The following CTF1 variants were observed in gnomAD, a reference collection of about 807,000 sequenced individuals.
The protein encoded by CTF1 is cardiotrophin-1.
In CTF1, 9 loss-of-function variants were observed where a neutral mutation model predicts 10.9. That is an observed-to-expected ratio of 0.83 (90% CI 0.50 to 1.44). CTF1 has a LOEUF of 1.44. CTF1 is among the 40% of genes most tolerant of loss of function. The pLI is 0.00. For synonymous variants in CTF1, 133 were observed against 138.8 expected (o/e 0.96, Z 0.29); for missense variants, 259 against 275.3 (o/e 0.94, Z 0.42).
intron 2 of CTF1, 129 bp downstream of exon 2, chr16:30,899,662 G>A (rs577553213): frequency 2.3e-5 from 15 of 639,012 alleles, no homozygotes; most frequent in Non-Finnish European, 3.8e-5. Context: ...GAGAGGGACA[G>A]CAACTTGCCC....
At position 30,902,614 on chromosome 16, in the gene CTF1, C is replaced by A; in HGVS notation, c.*75C>A. The A allele has an allele frequency of 7.1e-7, 1 of 1,413,736 alleles. No individual in the cohort carries two copies. Among genetic ancestry groups the A allele is most frequent in the South Asian group, 1.4e-5 (1 of 73,590 alleles). 87.6% of individuals were successfully genotyped at this position (1,413,736 alleles called of 1,614,324 possible). A position where few individuals can be genotyped will look rare whatever the true frequency, so the allele number is the denominator to read the frequency against. ...CTTCCGCTTCTTTGTCTTTCTCTGC[C>A]GCTGTCGGTGTCTGTCTGTCTGCTC... On this transcript the variant is annotated 3_prime_UTR_variant, in exon 3 of 3. Transcript: ENST00000279804.
At chr16:30,896,562 C>A, upstream of CTF1, 1 of 1,209,504 alleles carries the variant, frequency 8.3e-7, no homozygotes, top group Non-Finnish European at 1.1e-6. Context: ...TGGCTGCGCC[C>A]GGGCCACGCC....
chr16:30,902,653 T>G lies in CTF1; in HGVS notation c.*114T>G. ...GTCTGTCTGCTCTTAGCTGTCTCCA[T>G]TGCCTCGGCCTTCTTTGCTTTTTGT... is the stretch of plus-strand genomic sequence containing the variant. On this transcript the variant is annotated 3_prime_UTR_variant, in exon 3 of 3. Coordinates refer to ENST00000279804, the MANE Select transcript of CTF1 (RefSeq NM_001330.5). The G allele has an allele frequency of 7.6e-7, 1 of 1,307,808 alleles. No individual in the cohort carries two copies. Among genetic ancestry groups the G allele is most frequent in the South Asian group, 1.7e-5 (1 of 59,746 alleles). The allele number at this position is 1,307,808 out of a possible 1,614,324, so 81.0% of individuals were successfully genotyped here.
rs727502949 is a variant in CTF1 at position 30,902,208 on chromosome 16, C to A, written c.275C>A (p.Ala92Glu). ...CACGAGCGGCTGCGGCTGGACGCGG[C>A]GGCGCTGGCCGCGCTGCCCCCGCTG... ...PVHERLRLDA[A>E]ALAALPPLLD... The change falls in exon 3 of 3, where the codon GCG becomes GAG. Residue 92 changes from alanine to glutamate, a missense_variant. Coordinates refer to ENST00000279804, the MANE Select transcript of CTF1 (RefSeq NM_001330.5). The A allele has an allele frequency of 4.5e-5, 52 of 1,167,266 alleles. No individual in the cohort carries two copies. In the Admixed American group the frequency reaches 2.4e-3, roughly 55 times the overall value. The allele number at this position is 1,167,266 out of a possible 1,614,324, so 72.3% of individuals were successfully genotyped here.
rs1356326953 is a variant in CTF1, at chr16:30,902,525, G to C, written c.592G>C (p.Gly198Arg). ...GGGCGACCTGGGCCAGCTGCTGCCC[G>C]GGGGCTCGGCCTGAGCGCCGCGGGG... is the stretch of plus-strand genomic sequence containing the variant. ...TEGDLGQLLPGGSA is the reference protein window; with the variant it reads ...TEGDLGQLLPRGSA The change falls in exon 3 of 3, where the codon GGG (glycine) becomes CGG (arginine). Residue 198 changes from glycine (G) to arginine (R), a missense_variant. Physicochemically the swap from Gly to Arg is moderately radical, Grantham distance 125 (BLOSUM62 -2). Coordinates refer to ENST00000279804, the MANE Select transcript of CTF1 (RefSeq NM_001330.5). The C allele has an allele frequency of 6.0e-6, 9 of 1,492,550 alleles. 1 individual carries two copies. In the Admixed American group the frequency reaches 1.0e-4, roughly 17 times the overall value. 92.5% of individuals were successfully genotyped at this position (1,492,550 alleles called of 1,614,324 possible). A position where few individuals can be genotyped will look rare whatever the true frequency, so the allele number is the denominator to read the frequency against.
intron 2 of CTF1, among the ~76,000 whole-genome samples, chr16:30,900,430 C>G (rs1353093898): frequency 6.6e-6 from 1 of 152,082 alleles, no homozygotes; most frequent in African/African-American, 2.4e-5. Flanking sequence ...AATAATGTAA[C>G]AATTATGGCA....
At position 30,896,675 on chromosome 16, in the gene CTF1, G is replaced by C; in HGVS notation, c.25+7G>C. ...CGGAGGGAGGGAAGTCTGGGTAAGG[G>C]GCTGAGGGACCGGACGCCGGGTCGC... On this transcript the variant is annotated splice_region_variant and intron_variant, in intron 1 of 2. Coordinates refer to ENST00000279804, the MANE Select transcript of CTF1 (RefSeq NM_001330.5). 1 of 1,253,244 alleles carries C rather than the reference G, an allele frequency of 8.0e-7. No individual in the cohort carries two copies. Among genetic ancestry groups the C allele is most frequent in the Non-Finnish European group, 1.0e-6 (1 of 990,334 alleles). The allele number at this position is 1,253,244 out of a possible 1,614,324, so 77.6% of individuals were successfully genotyped here.
Position 30,902,441 on chromosome 16 carries a change from G to T in CTF1, c.508G>T (p.Ala170Ser). 14 of 1,424,382 alleles carry T rather than the reference G, an allele frequency of 9.8e-6. No homozygotes were observed. Among genetic ancestry groups the T allele is most frequent in the African/African-American group, 1.5e-5 (1 of 67,570 alleles). 88.2% of individuals were successfully genotyped at this position (1,424,382 alleles called of 1,614,324 possible). The change falls in exon 3 of 3, where the codon GCC (alanine) becomes TCC (serine). Residue 170 changes from alanine (A) to serine (S), a missense_variant. Ala to Ser is a moderately conservative substitution (Grantham distance 99). Transcript: ENST00000279804. ...CGCCTCCGCCACCGGGGTCTTCCCC[G>T]CCAAGGTGCTGGGGCTCCGCGTTTG... ...SAASATGVFPAKVLGLRVCGL... is the reference protein window; with the variant it reads ...SAASATGVFPSKVLGLRVCGL...
At position 30,902,210 on chromosome 16, in the gene CTF1, G is replaced by A; in HGVS notation, c.277G>A (p.Ala93Thr). 6.9e-6 allele frequency: 8 copies of A among 1,160,532 alleles called. No homozygotes were observed. Among genetic ancestry groups the A allele is most frequent in the Non-Finnish European group, 8.5e-6 (8 of 944,250 alleles). 71.9% of individuals were successfully genotyped at this position (1,160,532 alleles called of 1,614,324 possible). A position where few individuals can be genotyped will look rare whatever the true frequency, so the allele number is the denominator to read the frequency against. ...CGAGCGGCTGCGGCTGGACGCGGCG[G>A]CGCTGGCCGCGCTGCCCCCGCTGCT... Reference protein sequence around the residue: ...VHERLRLDAAALAALPPLLDA... With the variant: ...VHERLRLDAATLAALPPLLDA... Residue 93 changes from alanine to threonine, a missense_variant, in exon 3 of 3, where the codon GCG (alanine) becomes ACG (threonine). Ala to Thr is a moderately conservative substitution (Grantham distance 58, BLOSUM62 0). Coordinates refer to ENST00000279804, the MANE Select transcript of CTF1 (RefSeq NM_001330.5).
At chr16:30,899,133 C>G (rs867463625) in intron 1 of CTF1, among the ~76,000 whole-genome samples, 3 of 152,210 alleles carry the variant, frequency 2.0e-5, no homozygotes, top group Non-Finnish European at 2.9e-5. Context: ...TTTACGTACT[C>G]TACGATGAAA....
chr16:30,902,654 T>G lies in CTF1; in HGVS notation c.*115T>G. ...TCTGTCTGCTCTTAGCTGTCTCCAT[T>G]GCCTCGGCCTTCTTTGCTTTTTGTG... is the stretch of plus-strand genomic sequence containing the variant. On this transcript the variant is annotated 3_prime_UTR_variant, in exon 3 of 3. Coordinates refer to ENST00000279804, the MANE Select transcript of CTF1 (RefSeq NM_001330.5). 1 of 1,298,810 alleles carries G rather than the reference T, an allele frequency of 7.7e-7. No individual in the cohort carries two copies. The highest frequency in any genetic ancestry group is 9.9e-7 in the Non-Finnish European group (1 of 1,013,376). The allele number at this position is 1,298,810 out of a possible 1,614,324, so 80.5% of individuals were successfully genotyped here.
At chr16:30,898,495 G>A (rs1459051755) in intron 1 of CTF1, among the ~76,000 whole-genome samples, 4 of 151,796 alleles carry the variant, frequency 2.6e-5, no homozygotes, top group Non-Finnish European at 4.4e-5. Context: ...GTTTCACCAT[G>A]TTGGCCAGGC....
In CTF1 at chr16:30,902,629, T is replaced by C; in HGVS notation, c.*90T>C. ...CTTTCTCTGCCGCTGTCGGTGTCTG[T>C]CTGTCTGCTCTTAGCTGTCTCCATT... is the stretch of plus-strand genomic sequence containing the variant. On this transcript the variant is annotated 3_prime_UTR_variant, in exon 3 of 3. Coordinates refer to ENST00000279804, the MANE Select transcript of CTF1 (RefSeq NM_001330.5). The C allele has an allele frequency of 3.6e-6, 5 of 1,388,668 alleles. No individual in the cohort carries two copies. Among genetic ancestry groups the C allele is most frequent in the African/African-American group, 1.5e-5 (1 of 65,684 alleles). 86.0% of individuals were successfully genotyped at this position (1,388,668 alleles called of 1,614,324 possible).
Position 30,902,501 on chromosome 16 carries a change from G to T in CTF1, c.568G>T (p.Gly190Cys). Residue 190 changes from glycine (G) to cysteine (C), a missense_variant, in exon 3 of 3, where the codon GGC (glycine) becomes TGC (cysteine). Gly to Cys is a radical substitution (Grantham distance 159). Transcript: ENST00000279804. ...CCGCGAGTGGCTGAGCCGCACCGAG[G>T]GCGACCTGGGCCAGCTGCTGCCCGG... ...LYREWLSRTE[G>C]DLGQLLPGGS... The T allele has an allele frequency of 6.7e-7, 1 of 1,490,654 alleles. No individual in the cohort carries two copies. Among genetic ancestry groups the T allele is most frequent in the East Asian group, 2.8e-5 (1 of 35,636 alleles). 92.3% of individuals were successfully genotyped at this position (1,490,654 alleles called of 1,614,324 possible).
intron 2 of CTF1, 52 bp from the exon 3 acceptor site, chr16:30,902,025 GC>G (rs1487093239): frequency 4.3e-6 from 6 of 1,390,628 alleles, no homozygotes; most frequent in African/African-American, 1.5e-5. Context: ...CCAGTTAACA[GC>G]CCCCTGCCCG....
intron 1 of CTF1, among the ~76,000 whole-genome samples, chr16:30,896,903 T>C (rs1461731192): frequency 6.6e-6 from 1 of 152,014 alleles, no homozygotes; most frequent in Non-Finnish European, 1.5e-5. Context: ...GGCTCAGGGC[T>C]TAGATCACCG....
Position 30,902,550 on chromosome 16 carries a change from G to A in CTF1, c.*11G>A. On this transcript the variant is annotated 3_prime_UTR_variant, in exon 3 of 3. Transcript: ENST00000279804. ...GGGGGCTCGGCCTGAGCGCCGCGGG[G>A]CAGCTCGCCCCGCCTCCTCCCGCTG... 6.7e-7 allele frequency: 1 copy of A among 1,496,580 alleles called. No individual in the cohort carries two copies. The highest frequency in any genetic ancestry group is 8.9e-7 in the Non-Finnish European group (1 of 1,127,376). 92.7% of individuals were successfully genotyped at this position (1,496,580 alleles called of 1,614,324 possible).
intron 1 of CTF1, 89 bp from the exon 2 acceptor site, chr16:30,899,326 G>C (rs2055380972): frequency 2.3e-6 from 2 of 858,752 alleles, no homozygotes; most frequent in East Asian, 2.4e-5. Flanking sequence ...GACAGACCCT[G>C]ATGGGGTCAG....
chr16:30,901,815 C>T, intron 2 of CTF1, among the ~76,000 whole-genome samples: 1 of 146,944 alleles, frequency 6.8e-6, no homozygotes, highest in Non-Finnish European at 1.5e-5. Flanking sequence ...AACCCCTGGG[C>T]TCAAGTGATT....
Sources: gnomAD v4.1 joint callset for allele counts (sites outside exome capture counted in the v4.1 genomes callset) on GRCh38, gnomAD v4.1.1 for gene constraint, MANE v1.5 for transcripts, NCBI Gene and HGNC (gene_info 2026-07-23, HGNC 2026-07-21) for gene names.